Variants in SALL4 observed in about 807,000 individuals in gnomAD.
The protein encoded by SALL4 is sal-like protein 4.
A neutral mutation model predicts 60.8 loss-of-function variants in SALL4; 4 were observed. That is an observed-to-expected ratio of 0.07 (90% CI 0.03 to 0.15). The LOEUF (loss-of-function observed/expected upper bound fraction) is 0.15, where lower values mean the gene tolerates loss of function less well. SALL4 is among the 10% of genes least tolerant of loss of function. SALL4 has a pLI of 1.00. For synonymous variants in SALL4, 580 were observed against 574.9 expected (o/e 1.01, Z -0.13); for missense variants, 1,178 against 1,394.7 (o/e 0.84, Z 2.48).
chr20:51,790,590 G>A lies in SALL4; in HGVS notation c.1893C>T (p.Cys631=), dbSNP rs758180558. The A allele has an allele frequency of 1.9e-6, 3 of 1,614,172 alleles. No homozygotes were observed. Among genetic ancestry groups the A allele is most frequent in the East Asian group, 4.5e-5 (2 of 44,880 alleles). ...SIKTQHSCPI[C]QKKFTNAVML... ...TCACGGCATTAGTGAACTTCTTCTG[G>A]CAGATGGGGCACGAATGCTGCGTCT... Residue 631 remains cysteine, a synonymous_variant, in exon 2 of 4, where the codon TGC becomes TGT. Transcript: ENST00000217086. This position sits in a 1 kb window ranked among gnomAD's most constrained non-coding sequence, Gnocchi z 5.5.
In SALL4 at chr20:51,791,403, C is replaced by A; in HGVS notation, c.1080G>T (p.Lys360Asn). The change falls in exon 2 of 4, where the codon AAG becomes AAT. Residue 360 changes from lysine (K) to asparagine (N), a missense_variant. By Grantham distance (94) the Lys-to-Asn change is moderately conservative. Transcript: ENST00000217086. This position sits in a 1 kb window ranked among gnomAD's most constrained non-coding sequence, Gnocchi z 4.6. ...CCGCGGAGATGTTCGGTGGCTTCCC[C>A]TTCCCTTTCTTGGATGTGTCTAGCG... The part of the protein sequence containing the change: ...TVALDTSKKG[K>N]GKPPNISAVD... The A allele has an allele frequency of 6.2e-7, 1 of 1,614,224 alleles. No individual in the cohort carries two copies. Among genetic ancestry groups the A allele is most frequent in the Non-Finnish European group, 8.5e-7 (1 of 1,180,046 alleles).
At chr20:51,800,588 G>T (rs536479568) in intron 1 of SALL4, among the ~76,000 whole-genome samples, 1 of 152,340 alleles carries the variant, frequency 6.6e-6, no homozygotes, top group South Asian at 2.1e-4. Context: ...GAAGGGGGAA[G>T]GGGAGGTCAG....
rs1224313970 is a variant in SALL4 at position 51,788,364 on chromosome 20, CGTT to C, written c.2742+494_2742+496del. Among the ~76,000 whole-genome samples, 1 of 146,258 alleles carries C rather than the reference CGTT, an allele frequency of 6.8e-6. No individual in the cohort carries two copies. The highest frequency in any genetic ancestry group is 1.5e-5 in the Non-Finnish European group (1 of 66,980). ...GTGTGTGTGTGTGTGTGTGTAAAGA[CGTT>C]GTCTCCCTATGTTGCCAGGCTGGTC... On this transcript the variant is annotated intron_variant, in intron 3 of 3. Transcript: ENST00000217086. The surrounding 1 kb of genome is among the most constrained non-coding windows in gnomAD (Gnocchi z 4.1).
chr20:51,799,661 A>AGGTC (rs1439319861), intron 1 of SALL4, among the ~76,000 whole-genome samples: 1 of 152,240 alleles, frequency 6.6e-6, no homozygotes, highest in African/African-American at 2.4e-5. Context: ...AAGCCAGCGT[A>AGGTC]GGTCATTTTG....
chr20:51,798,875 C>CA (rs890839143), intron 1 of SALL4, among the ~76,000 whole-genome samples: 30 of 146,894 alleles, frequency 2.0e-4, no homozygotes, highest in East Asian at 2.0e-3. Context: ...CAAAACAAAA[C>CA]AAAAAAAACA....
chr20:51,791,724 C>T lies in SALL4; in HGVS notation c.759G>A (p.Gly253=). 4 of 1,614,170 alleles carry T rather than the reference C, an allele frequency of 2.5e-6. No individual in the cohort carries two copies. In the South Asian group the frequency reaches 4.4e-5, roughly 18 times the overall value. The change falls in exon 2 of 4, where the codon GGG becomes GGA. Residue 253 remains glycine (G), a synonymous_variant. Transcript: ENST00000217086. The surrounding 1 kb of genome is among the most constrained non-coding windows in gnomAD (Gnocchi z 4.6). ...ASHALHSSGA[G]ADTLKTLGSH... ...TGCCCAAGGTCTTCAGAGTGTCGGC[C>T]CCTGCCCCGCTTGAGTGGAGGGCGT...
chr20:51,802,205 A>G (rs944814736), intron 1 of SALL4, 74 bp downstream of exon 1: 15 of 1,495,440 alleles, frequency 1.0e-5, no homozygotes, highest in Admixed American at 2.2e-5. Context: ...CGCTCCCCGA[A>G]GCCTGCGCCC....
At chr20:51,797,666 G>A (rs2122976187) in intron 1 of SALL4, 1 of 152,092 alleles carries the variant, frequency 6.6e-6, no homozygotes, top group South Asian at 2.1e-4. Context: ...GCAAAGTTCA[G>A]AGGGATTACA....
At chr20:51,785,370 A>G (rs374797320) in intron 3 of SALL4, among the ~76,000 whole-genome samples, 26 of 152,226 alleles carry the variant, frequency 1.7e-4, no homozygotes, top group African/African-American at 6.3e-4. Context: ...AGTGAGAAAC[A>G]GAATGGTTGT....
chr20:51,786,089 G>GTTT (rs763670225), intron 3 of SALL4, among the ~76,000 whole-genome samples: 25,383 of 127,078 alleles, frequency 0.2, 3,141 homozygotes, highest in Non-Finnish European at 0.26. Flanking sequence ...CCAGCTAATT[G>GTTT]TTTTTTTTTT....
chr20:51,796,283 C>A (rs1217101516), intron 1 of SALL4, among the ~76,000 whole-genome samples: 8 of 151,340 alleles, frequency 5.3e-5, no homozygotes, highest in African/African-American at 1.9e-4. Context: ...TTAACCACTC[C>A]ATACTACTTT....
chr20:51,791,322 A>G lies in SALL4; in HGVS notation c.1161T>C (p.Cys387=). Residue 387 remains cysteine (C), a synonymous_variant, in exon 2 of 4, where the codon TGT becomes TGC. Coordinates refer to ENST00000217086, the MANE Select transcript of SALL4 (RefSeq NM_020436.5). The surrounding 1 kb of genome is among the most constrained non-coding windows in gnomAD (Gnocchi z 4.6). ...AGCTATCAGTCCCAAAAACCTTGCT[A>G]CAGTACTTACACTTGTGCTTGTAGA... ...AALYKHKCKY[C]SKVFGTDSSL... is the part of the protein sequence containing the mutation. 6.2e-7 allele frequency: 1 copy of G among 1,614,106 alleles called. No homozygotes were observed.
chr20:51,788,934 C>T lies in SALL4; in HGVS notation c.2669G>A (p.Arg890Gln). Reference sequence around the variant, plus strand: ...AAAAGGCTTCTCTCCAGTGTGAGTCCGCTCGTGGATCTGAAGAGCGCTAGC... The same window carrying T: ...AAAAGGCTTCTCTCCAGTGTGAGTCTGCTCGTGGATCTGAAGAGCGCTAGC... ...SSASALQIHERTHTGEKPFVC... is the reference protein window; with the variant it reads ...SSASALQIHEQTHTGEKPFVC... Residue 890 changes from arginine to glutamine, a missense_variant, in exon 3 of 4, where the codon CGG becomes CAG. Physicochemically the swap from Arg to Gln is conservative, Grantham distance 43 (BLOSUM62 1). Transcript: ENST00000217086. The surrounding 1 kb of genome is among the most constrained non-coding windows in gnomAD (Gnocchi z 4.1). 1.2e-6 allele frequency: 2 copies of T among 1,614,184 alleles called. No homozygotes were observed. Among genetic ancestry groups the T allele is most frequent in the Non-Finnish European group, 1.7e-6 (2 of 1,180,042 alleles).
chr20:51,796,222 G>GAAAGA (rs1386152448), intron 1 of SALL4, among the ~76,000 whole-genome samples: 18 of 135,178 alleles, frequency 1.3e-4, no homozygotes, highest in Non-Finnish European at 1.9e-4. Context: ...AAGAAAGAAA[G>GAAAGA]AAAGAAAAGA....
At chr20:51,786,691 C>T (rs2077995180) in intron 3 of SALL4, among the ~76,000 whole-genome samples, 1 of 152,218 alleles carries the variant, frequency 6.6e-6, no homozygotes. Context: ...TACCGTTTTG[C>T]AAAGTGCTAC....
In SALL4 at chr20:51,790,445, C is replaced by T. The variant is rs139022152; in HGVS notation, c.2038G>A (p.Gly680Ser). ...PMTVGENGST[G>S]AICHDDVIES... is the part of the protein sequence containing the mutation. ...ATGACATCATCATGGCAGATAGCGC[C>T]GGTGCTGCCGTTCTCACCCACGGTC... Residue 680 changes from glycine (G) to serine (S), a missense_variant, in exon 2 of 4, where the codon GGC becomes AGC. Gly to Ser is a moderately conservative substitution (Grantham distance 56). Around this residue, in one of 5 missense-constraint regions of SALL4, gnomAD observed 853 missense variants for 1,036.8 expected, o/e 0.82. Coordinates refer to ENST00000217086, the MANE Select transcript of SALL4 (RefSeq NM_020436.5). This position sits in a 1 kb window ranked among gnomAD's most constrained non-coding sequence, Gnocchi z 5.5. 3.1e-4 allele frequency: 506 copies of T among 1,614,080 alleles called. No individual in the cohort carries two copies. In the African/African-American group the frequency reaches 6.1e-3, roughly 19 times the overall value.
Position 51,791,217 on chromosome 20 carries a change from C to G in SALL4, c.1266G>C (p.Lys422Asn). 1 of 1,614,008 alleles carries G rather than the reference C, an allele frequency of 6.2e-7. No individual in the cohort carries two copies. Among genetic ancestry groups the G allele is most frequent in the Non-Finnish European group, 8.5e-7 (1 of 1,179,972 alleles). Reference protein sequence around the residue: ...CSVCGHRFTTKGNLKVHFHRH... With the variant: ...CSVCGHRFTTNGNLKVHFHRH... ...GGTGAAAGTGCACCTTGAGGTTGCC[C>G]TTGGTGGTGAAGCGATGACCACAGA... Residue 422 changes from lysine (K) to asparagine (N), a missense_variant, in exon 2 of 4, where the codon AAG (lysine) becomes AAC (asparagine). By Grantham distance (94) the Lys-to-Asn change is moderately conservative. Transcript: ENST00000217086. The surrounding 1 kb of genome is among the most constrained non-coding windows in gnomAD (Gnocchi z 4.6).
Position 51,791,357 on chromosome 20 carries a change from C to T in SALL4, c.1126G>A (p.Glu376Lys), listed in dbSNP as rs1428338003. The change falls in exon 2 of 4, where the codon GAG becomes AAG. Residue 376 changes from glutamate (E) to lysine (K), a missense_variant. Glu to Lys is a moderately conservative substitution (Grantham distance 56). This residue lies in a region of SALL4 where 853 missense variants were observed against 1,036.8 expected (regional missense o/e 0.82). Coordinates refer to ENST00000217086, the MANE Select transcript of SALL4 (RefSeq NM_020436.5). The surrounding 1 kb of genome is among the most constrained non-coding windows in gnomAD (Gnocchi z 4.6). The stretch of plus-strand genomic sequence containing the variant: ...CACTTGTGCTTGTAGAGGGCCGCCT[C>T]GTCTTTGGGTTTGACATCCACCGCG... ...ISAVDVKPKD[E>K]AALYKHKCKY... is the part of the protein sequence containing the mutation. 5 of 1,614,168 alleles carry T rather than the reference C, an allele frequency of 3.1e-6. No homozygotes were observed. The highest frequency in any genetic ancestry group is 2.2e-5 in the East Asian group (1 of 44,880).
chr20:51,785,784 C>T (rs1303205574), intron 3 of SALL4, among the ~76,000 whole-genome samples: 3 of 152,096 alleles, frequency 2.0e-5, no homozygotes, highest in Non-Finnish European at 2.9e-5. Context: ...GCTGGGACTA[C>T]AGGCACGCGC....
Sources: allele counts gnomAD v4.1 joint callset (sites outside exome capture counted in the v4.1 genomes callset), GRCh38; gene constraint gnomAD v4.1.1; regional missense constraint gnomAD v4.1.1; non-coding constraint Gnocchi (gnomAD v3.1); transcripts MANE v1.5; gene names NCBI Gene and HGNC (gene_info 2026-07-23, HGNC 2026-07-21).